ARHGEF26: variants seen among roughly 807,000 people sequenced by gnomAD.
The protein encoded by ARHGEF26 is Rho guanine nucleotide exchange factor 26.
Under a neutral mutation model 89.4 loss-of-function variants are expected in ARHGEF26, and 59 were observed. The observed-to-expected ratio is 0.66, with a 90% confidence interval of 0.54 to 0.82. ARHGEF26 has a LOEUF of 0.82. Ranked by LOEUF, ARHGEF26 falls within the 40% of genes least tolerant of loss-of-function variation. The pLI, the probability that ARHGEF26 is intolerant of heterozygous loss-of-function variation, is 0.00. For missense variants in ARHGEF26, 1,234 were observed against 1,085.6 expected, an observed-to-expected ratio of 1.14 and a Z score of -1.92; for synonymous variants, 500 against 428.4, an observed-to-expected ratio of 1.17 and a Z score of -2.06.
chr3:154,243,154 T>C (rs1559923536), intron 12 of ARHGEF26, among the ~76,000 whole-genome samples: 1 of 152,216 alleles, frequency 6.6e-6, no homozygotes, highest in East Asian at 1.9e-4. Flanking sequence ...TTAGTATGCC[T>C]GTGCTTTGGA....
intron 9 of ARHGEF26, among the ~76,000 whole-genome samples, chr3:154,196,807 G>A (rs1294106907): frequency 3.3e-5 from 5 of 151,836 alleles, no homozygotes; most frequent in Non-Finnish European, 5.9e-5. Flanking sequence ...AAGGTTTTTA[G>A]GAGAAACTAC....
At chr3:154,193,033 A>G (rs1385222521) in intron 8 of ARHGEF26, among the ~76,000 whole-genome samples, 1 of 149,244 alleles carries the variant, frequency 6.7e-6, no homozygotes, top group Non-Finnish European at 1.5e-5. Flanking sequence ...AGTAGGCTTT[A>G]AACTTTTTTT....
Position 154,144,280 on chromosome 3 carries a change from A to G in ARHGEF26, c.1270-5109A>G, listed in dbSNP as rs145146507. ...AAGTTTGAATCTCAGCTTTCCAATT[A>G]TTAGGGTGAATGACTTAACTTTTCT... On this transcript the variant is annotated intron_variant, in intron 4 of 14. Coordinates refer to ENST00000465093, the MANE Select transcript of ARHGEF26 (RefSeq NM_015595.4). 9.1e-4 allele frequency among the ~76,000 whole-genome samples: 139 copies of G among 152,256 alleles called. 1 individual carries two copies. Among genetic ancestry groups the G allele is most frequent in the African/African-American group, 3.3e-3 (136 of 41,552 alleles).
At position 154,255,549 on chromosome 3, in the gene ARHGEF26, T is replaced by C; in HGVS notation, c.*76T>C. The C allele has an allele frequency of 6.6e-7, 1 of 1,518,550 alleles. No homozygotes were observed. Among genetic ancestry groups the C allele is most frequent in the Non-Finnish European group, 8.8e-7 (1 of 1,137,778 alleles). The allele number at this position is 1,518,550 out of a possible 1,614,324, so 94.1% of individuals were successfully genotyped here. Reference sequence around the variant, plus strand: ...CTGGTTGGTTCTGGGCTAGTTTTATTGTTAATTTTGTCACAGCCTATTTAA... The same window carrying C: ...CTGGTTGGTTCTGGGCTAGTTTTATCGTTAATTTTGTCACAGCCTATTTAA... On this transcript the variant is annotated 3_prime_UTR_variant, in exon 15 of 15. Coordinates refer to ENST00000465093, the MANE Select transcript of ARHGEF26 (RefSeq NM_015595.4).
At chr3:154,168,417 G>A (rs928234158) in intron 6 of ARHGEF26, among the ~76,000 whole-genome samples, 7 of 151,892 alleles carry the variant, frequency 4.6e-5, no homozygotes, top group Admixed American at 2.0e-4. Flanking sequence ...TCTCTACAAA[G>A]TATACAAAAA....
Position 154,255,505 on chromosome 3 carries a change from T to G in ARHGEF26, c.*32T>G, listed in dbSNP as rs370706426. The G allele has an allele frequency of 6.2e-7, 1 of 1,601,682 alleles. No homozygotes were observed. Among genetic ancestry groups the G allele is most frequent in the African/African-American group, 1.3e-5 (1 of 74,582 alleles). On this transcript the variant is annotated 3_prime_UTR_variant, in exon 15 of 15. Transcript: ENST00000465093. ...AGATGGTCTTTTGTTACTGCAAGAT[T>G]TGCACGACACTTACCGGGCTGGTTG...
chr3:154,194,559 G>T, intron 8 of ARHGEF26, 85 bp from the exon 9 acceptor site: 1 of 944,682 alleles, frequency 1.1e-6, no homozygotes, highest in South Asian at 1.5e-5. Context: ...TGTTTGCTAT[G>T]AGTAAAAGGA....
intron 12 of ARHGEF26, among the ~76,000 whole-genome samples, chr3:154,247,308 C>G (rs1418731929): frequency 1.3e-5 from 2 of 152,176 alleles, no homozygotes; most frequent in African/African-American, 4.8e-5. Flanking sequence ...TTTGCGTTAT[C>G]CAGTCTGGAG....
chr3:154,165,951 T>C (rs917258056), intron 6 of ARHGEF26, among the ~76,000 whole-genome samples: 18 of 152,212 alleles, frequency 1.2e-4, no homozygotes, highest in African/African-American at 4.3e-4. Flanking sequence ...GAAGTCTGAC[T>C]TAAATCAGGG....
intron 6 of ARHGEF26, among the ~76,000 whole-genome samples, chr3:154,168,986 G>GAA (rs145410066): frequency 0.013 from 1,901 of 146,616 alleles, 38 homozygotes; most frequent in African/African-American, 0.045. Flanking sequence ...AGACTGTAGT[G>GAA]AAAAAAAAAA....
At chr3:154,167,393 A>G (rs1712111728) in intron 6 of ARHGEF26, among the ~76,000 whole-genome samples, 1 of 152,186 alleles carries the variant, frequency 6.6e-6, no homozygotes, top group Non-Finnish European at 1.5e-5. Flanking sequence ...GAACTGAGGA[A>G]GTGACCTTTC....
chr3:154,187,111 C>T (rs1472786951), intron 6 of ARHGEF26: 15 of 333,966 alleles, frequency 4.5e-5, no homozygotes, highest in South Asian at 2.4e-4. Context: ...AGGATGGTCT[C>T]GATCCCTTCA....
At chr3:154,230,295 A>G (rs1221749806) in intron 11 of ARHGEF26, among the ~76,000 whole-genome samples, 2 of 152,224 alleles carry the variant, frequency 1.3e-5, no homozygotes, top group African/African-American at 2.4e-5. Flanking sequence ...CATTTCACAG[A>G]TGAAGACGCT....
rs1718481809 is a variant in ARHGEF26, at chr3:154,256,021, C to A, written c.*548C>A. ...GGTGAGCTGTTGTTTTTCTAAACCT[C>A]TTCCCAGGAAGGGGACATTGACACT... On this transcript the variant is annotated 3_prime_UTR_variant, in exon 15 of 15. Coordinates refer to ENST00000465093, the MANE Select transcript of ARHGEF26 (RefSeq NM_015595.4). 1.0e-6 allele frequency: 1 copy of A among 985,552 alleles called. No individual in the cohort carries two copies. Among genetic ancestry groups the A allele is most frequent in the East Asian group, 1.1e-4 (1 of 8,814 alleles). The allele number at this position is 985,552 out of a possible 1,614,324, so 61.1% of individuals were successfully genotyped here. A position where few individuals can be genotyped will look rare whatever the true frequency, so the allele number is the denominator to read the frequency against.
chr3:154,148,584 C>G (rs1369903693), intron 4 of ARHGEF26, among the ~76,000 whole-genome samples: 1 of 152,034 alleles, frequency 6.6e-6, no homozygotes, highest in Non-Finnish European at 1.5e-5. Flanking sequence ...GGGTCTGAAC[C>G]CCATTTGGGT....
intron 4 of ARHGEF26, among the ~76,000 whole-genome samples, chr3:154,143,224 C>T (rs1419944356): frequency 1.3e-5 from 2 of 152,162 alleles, no homozygotes; most frequent in Admixed American, 1.3e-4. Flanking sequence ...TATTCAATCA[C>T]TATTAACATT....
chr3:154,122,127 G>T lies in ARHGEF26; in HGVS notation c.135G>T (p.Gly45=). The T allele has an allele frequency of 6.2e-7, 1 of 1,607,092 alleles. No individual in the cohort carries two copies. The highest frequency in any genetic ancestry group is 2.2e-5 in the East Asian group (1 of 44,510). The part of the protein sequence containing the change: ...PRPQSYQSPN[G]LLITDFPVED... ...CCCAGTCCTACCAGAGCCCCAACGG[G>T]TTACTAATTACGGATTTCCCGGTGG... is the stretch of plus-strand genomic sequence containing the variant. The change falls in exon 2 of 15, where the codon GGG becomes GGT. Residue 45 remains glycine, a synonymous_variant. Coordinates refer to ENST00000465093, the MANE Select transcript of ARHGEF26 (RefSeq NM_015595.4).
rs539255187 is a variant in ARHGEF26, at chr3:154,138,155, G to A, written c.1269+8436G>A. Among the ~76,000 whole-genome samples the A allele has an allele frequency of 9.1e-4, 139 of 152,226 alleles. 7 individuals are homozygous for A. In the South Asian group the frequency reaches 0.028, roughly 31 times the overall value. On this transcript the variant is annotated intron_variant, in intron 4 of 14. Coordinates refer to ENST00000465093, the MANE Select transcript of ARHGEF26 (RefSeq NM_015595.4). ...TATGCATTTAGCCATCTTTACTGGG[G>A]GAGTGTCATACATGCTTTAAGAATC...
At chr3:154,241,785 A>C (rs1321556702) in intron 12 of ARHGEF26, among the ~76,000 whole-genome samples, 1 of 152,234 alleles carries the variant, frequency 6.6e-6, no homozygotes, top group African/African-American at 2.4e-5. Flanking sequence ...ACCAAACAGG[A>C]TTCTTGCTGA....
Sources: allele counts gnomAD v4.1 joint callset (sites outside exome capture counted in the v4.1 genomes callset), GRCh38; gene constraint gnomAD v4.1.1; transcripts MANE v1.5; gene names NCBI Gene and HGNC (gene_info 2026-07-23, HGNC 2026-07-21).